MOB4: variants seen among roughly 807,000 people sequenced by gnomAD.
The protein encoded by MOB4 is MOB-like protein phocein.
In MOB4, 4 loss-of-function variants were observed where a neutral mutation model predicts 32.2. That is an observed-to-expected ratio of 0.12 (90% confidence interval 0.06 to 0.28). MOB4 has a LOEUF of 0.28. Among genes scored for constraint, MOB4 ranks in the 10% least tolerant of loss-of-function variants. The pLI is 1.00. For synonymous variants in MOB4, 88 were observed against 88.1 expected (o/e 1.00, Z 0.01); for missense variants, 158 against 271.2 (o/e 0.58, Z 2.93).
chr2:197,550,253 A>G (rs749603808), intron 6 of MOB4, 22 bp from the exon 7 acceptor site: 30 of 1,594,074 alleles, frequency 1.9e-5, no homozygotes, highest in Middle Eastern at 2.2e-4. Context: ...CTAAGAATCT[A>G]TGGTTTCTTT....
rs746280541 is a variant in MOB4 at position 197,548,327 on chromosome 2, C to T, written c.355-9C>T. On this transcript the variant is annotated splice_polypyrimidine_tract_variant and intron_variant, in intron 5 of 7. Coordinates refer to ENST00000323303, the MANE Select transcript of MOB4 (RefSeq NM_015387.5). ...TTGTTGATGCATTTCTATATTCTTT[C>T]TTTTGTAGTGTCCTGCTATAGACTA... The T allele has an allele frequency of 6.3e-7, 1 of 1,599,376 alleles. No individual in the cohort carries two copies. The highest frequency in any genetic ancestry group is 8.5e-7 in the Non-Finnish European group (1 of 1,172,526).
intron 5 of MOB4, among the ~76,000 whole-genome samples, chr2:197,541,686 G>A (rs549883423): frequency 3.3e-5 from 5 of 152,272 alleles, no homozygotes; most frequent in East Asian, 1.9e-4. Context: ...TTGGGAGGCC[G>A]AGGCGGGCGG....
At chr2:197,529,346 T>TTTTA (rs1046024176) in intron 2 of MOB4, among the ~76,000 whole-genome samples, 4 of 151,724 alleles carry the variant, frequency 2.6e-5, no homozygotes, top group African/African-American at 4.8e-5. Flanking sequence ...TTTATTTTTA[T>TTTTA]TTTATTTATT....
intron 3 of MOB4, among the ~76,000 whole-genome samples, chr2:197,539,518 A>G (rs1344367320): frequency 2.0e-5 from 3 of 152,054 alleles, no homozygotes; most frequent in South Asian, 4.1e-4. Flanking sequence ...GAGTTTCACC[A>G]TTTTGGCCAG....
intron 5 of MOB4, among the ~76,000 whole-genome samples, chr2:197,542,933 T>C (rs1196948525): frequency 6.6e-6 from 1 of 152,186 alleles, no homozygotes; most frequent in African/African-American, 2.4e-5. Flanking sequence ...TGGTAACCCA[T>C]GAGCCCCATG....
chr2:197,526,266 A>G (rs754631459), intron 2 of MOB4, among the ~76,000 whole-genome samples: 1 of 152,092 alleles, frequency 6.6e-6, no homozygotes, highest in Non-Finnish European at 1.5e-5. Flanking sequence ...AATTTTGTCA[A>G]ATGCTTTTTC....
At chr2:197,516,401 C>T in intron 1 of MOB4, 1 of 1,395,048 alleles carries the variant, frequency 7.2e-7, no homozygotes, top group Non-Finnish European at 9.3e-7. Flanking sequence ...ACCTGCCTGC[C>T]GAAGCCCTGG....
chr2:197,544,217 G>A (rs1391165663), intron 5 of MOB4, among the ~76,000 whole-genome samples: 3 of 152,046 alleles, frequency 2.0e-5, no homozygotes, highest in Non-Finnish European at 4.4e-5. Context: ...GACAACAGGC[G>A]TGCACCACCA....
At chr2:197,517,419 T>C (rs2086434101) in intron 1 of MOB4, among the ~76,000 whole-genome samples, 1 of 152,238 alleles carries the variant, frequency 6.6e-6, no homozygotes, top group African/African-American at 2.4e-5. Context: ...TTCCACACTT[T>C]TCTTCCTCAT....
At chr2:197,546,251 T>G (rs760925099) in intron 5 of MOB4, among the ~76,000 whole-genome samples, 1 of 151,942 alleles carries the variant, frequency 6.6e-6, no homozygotes, top group Non-Finnish European at 1.5e-5. Flanking sequence ...TTAGTAGAGA[T>G]GGGGTTTCAT....
At chr2:197,539,123 T>C (rs1313609781) in intron 3 of MOB4, among the ~76,000 whole-genome samples, 9 of 152,106 alleles carry the variant, frequency 5.9e-5, no homozygotes, top group Admixed American at 5.9e-4. Context: ...CCAAAATGAT[T>C]CAATTTTTCT....
At chr2:197,518,408 T>G (rs1264657202) in intron 1 of MOB4, among the ~76,000 whole-genome samples, 1 of 151,960 alleles carries the variant, frequency 6.6e-6, no homozygotes, top group African/African-American at 2.4e-5. Flanking sequence ...TAGCTGGGAT[T>G]ACAGGCGCGT....
chr2:197,517,554 T>A (rs2086436839), intron 1 of MOB4, among the ~76,000 whole-genome samples: 1 of 152,190 alleles, frequency 6.6e-6, no homozygotes, highest in Admixed American at 6.5e-5. Context: ...CATAAGTTCT[T>A]AATTTTGAAA....
chr2:197,516,699 C>T (rs752694835), intron 1 of MOB4: 1 of 471,598 alleles, frequency 2.1e-6, no homozygotes, highest in Non-Finnish European at 4.4e-6. Flanking sequence ...CTGCCGCTTT[C>T]CCTGGAGCTG....
At chr2:197,541,801 C>T (rs867073858) in intron 5 of MOB4, among the ~76,000 whole-genome samples, 4 of 151,422 alleles carry the variant, frequency 2.6e-5, no homozygotes, top group Middle Eastern at 3.4e-3. Context: ...CGCCTGTAGT[C>T]CCAGCTACTT....
In MOB4 at chr2:197,516,486, G is replaced by T. The variant is rs951793160; in HGVS notation, c.60+340G>T. Reference sequence around the variant, plus strand: ...CCCAGCTGACTAGCATTGGAGGGGCGCGACCAGCCTGGTGGAGACCCCCGG... The same window carrying T: ...CCCAGCTGACTAGCATTGGAGGGGCTCGACCAGCCTGGTGGAGACCCCCGG... On this transcript the variant is annotated intron_variant, in intron 1 of 7. Transcript: ENST00000323303. The T allele has an allele frequency of 9.6e-6, 9 of 936,186 alleles. No homozygotes were observed. In the African/African-American group the frequency reaches 1.4e-4, roughly 14 times the overall value. 58.0% of individuals were successfully genotyped at this position (936,186 alleles called of 1,614,324 possible). A position where few individuals can be genotyped will look rare whatever the true frequency, so the allele number is the denominator to read the frequency against.
At position 197,546,832 on chromosome 2, in the gene MOB4, A is replaced by G. The variant is rs536184427; in HGVS notation, c.355-1504A>G. On this transcript the variant is annotated intron_variant, in intron 5 of 7. Transcript: ENST00000323303. ...CTTTTGACTCCCCCAAAACTTAATT[A>G]CTAATAGCCTACTGTTGACTGGAAG... Among the ~76,000 whole-genome samples the G allele has an allele frequency of 2.3e-3, 350 of 152,342 alleles. 1 individual carries two copies. The highest frequency in any genetic ancestry group is 8.0e-3 in the African/African-American group (333 of 41,572).
At chr2:197,549,740 G>A (rs1192233119) in intron 6 of MOB4, among the ~76,000 whole-genome samples, 7 of 151,478 alleles carry the variant, frequency 4.6e-5, no homozygotes, top group African/African-American at 1.5e-4. Flanking sequence ...TAGTAGAGAC[G>A]GGGTTTCACC....
chr2:197,527,302 AG>A (rs2086627331), intron 2 of MOB4, among the ~76,000 whole-genome samples: 1 of 152,004 alleles, frequency 6.6e-6, no homozygotes. Flanking sequence ...CCATTTATTT[AG>A]GTCTTCTTTA....
Sources: allele counts gnomAD v4.1 joint callset (sites outside exome capture counted in the v4.1 genomes callset), GRCh38; gene constraint gnomAD v4.1.1; transcripts MANE v1.5; gene names NCBI Gene and HGNC (gene_info 2026-07-23, HGNC 2026-07-21).